ASCC3: variants seen among roughly 807,000 people sequenced by gnomAD.
ASCC3 encodes the protein activating signal cointegrator 1 complex subunit 3.
In ASCC3, 158 loss-of-function variants were observed where a neutral mutation model predicts 256.3. The ratio of observed to expected loss-of-function variants is 0.62; its 90% CI spans 0.54 to 0.70. The LOEUF (loss-of-function observed/expected upper bound fraction) is 0.70, where lower values mean the gene tolerates loss of function less well. ASCC3 is among the 30% of genes least tolerant of loss of function. The probability of loss-of-function intolerance (pLI) is 0.00; values close to 1 mark genes in which losing one functional copy is unlikely to be tolerated. For synonymous variants in ASCC3, 948 were observed against 883.4 expected, an observed-to-expected ratio of 1.07 and a Z score of -1.30; for missense variants, 2,259 against 2,626.0, an observed-to-expected ratio of 0.86 and a Z score of 3.05.
chr6:100,510,020 T>C lies in ASCC3; in HGVS notation c.6373A>G (p.Arg2125Gly). The change falls in exon 41 of 42, where the codon AGA becomes GGA. Residue 2125 changes from arginine (R) to glycine (G), a missense_variant. Transcript: ENST00000369162. ...WFLILGEVDK[R>G]ELIALKRVGY... ...ACTCTTTTCAAAGCAATAAGTTCTC[T>C]CTTATCCACTTCTCCTAATATCAAA... 1 of 1,614,108 alleles carries C rather than the reference T, an allele frequency of 6.2e-7. No homozygotes were observed. The highest frequency in any genetic ancestry group is 1.7e-5 in the Admixed American group (1 of 60,020).
At chr6:100,535,530 C>T (rs1420658204) in intron 37 of ASCC3, among the ~76,000 whole-genome samples, 2 of 137,934 alleles carry the variant, frequency 1.4e-5, no homozygotes, top group South Asian at 2.3e-4. Flanking sequence ...AGTGCAGCAG[C>T]GCGATCTTGG....
intron 8 of ASCC3, among the ~76,000 whole-genome samples, chr6:100,771,114 A>G (rs1781896517): frequency 6.6e-6 from 1 of 152,206 alleles, no homozygotes; most frequent in African/African-American, 2.4e-5. Context: ...TACAAAATCC[A>G]GAAATAAATC....
chr6:100,579,968 T>C (rs987652547), intron 36 of ASCC3, among the ~76,000 whole-genome samples: 8 of 152,110 alleles, frequency 5.3e-5, no homozygotes, highest in African/African-American at 1.2e-4. Context: ...ATACGAAAGG[T>C]TTTTCCATTT....
intron 4 of ASCC3, among the ~76,000 whole-genome samples, chr6:100,844,758 T>C (rs1367242428): frequency 1.3e-5 from 2 of 151,748 alleles, no homozygotes; most frequent in African/African-American, 4.8e-5. Flanking sequence ...AGGCTCAAGG[T>C]AGGGAGGGAA....
At chr6:100,823,176 C>T (rs1425124413) in intron 4 of ASCC3, among the ~76,000 whole-genome samples, 1 of 152,196 alleles carries the variant, frequency 6.6e-6, no homozygotes, top group Non-Finnish European at 1.5e-5. Context: ...CTTCCCATAA[C>T]ATTTGCCATT....
chr6:100,526,611 C>T (rs1008261995), intron 37 of ASCC3, among the ~76,000 whole-genome samples: 1 of 152,188 alleles, frequency 6.6e-6, no homozygotes, highest in African/African-American at 2.4e-5. Flanking sequence ...AATGCATCAA[C>T]TCTGTATCAC....
intron 4 of ASCC3, among the ~76,000 whole-genome samples, chr6:100,839,799 A>G (rs576230868): frequency 1.3e-5 from 2 of 152,294 alleles, no homozygotes; most frequent in South Asian, 4.1e-4. Flanking sequence ...CTCTTCGAGT[A>G]TTATGCTCAT....
intron 14 of ASCC3, 21 bp downstream of exon 14, chr6:100,679,597 C>G (rs746976649): frequency 1.9e-6 from 3 of 1,612,826 alleles, no homozygotes; most frequent in Non-Finnish European, 2.5e-6. Flanking sequence ...TGCTTTAGTT[C>G]TTGTCCTCTT....
chr6:100,779,351 C>T (rs1474348395), intron 8 of ASCC3, among the ~76,000 whole-genome samples: 1 of 152,054 alleles, frequency 6.6e-6, no homozygotes, highest in African/African-American at 2.4e-5. Context: ...CCTCAGCCTC[C>T]CAAGTTGCTG....
chr6:100,780,331 A>C (rs2114255722), intron 8 of ASCC3, among the ~76,000 whole-genome samples: 1 of 152,328 alleles, frequency 6.6e-6, no homozygotes, highest in Admixed American at 6.5e-5. Flanking sequence ...TAAATTGATA[A>C]ATAAACTGTC....
chr6:100,640,649 T>A (rs993501597), intron 24 of ASCC3, among the ~76,000 whole-genome samples: 8 of 152,200 alleles, frequency 5.3e-5, no homozygotes, highest in Non-Finnish European at 7.3e-5. Flanking sequence ...AAATATTACA[T>A]GTAGCACACT....
At chr6:100,763,774 T>C (rs999715857) in intron 10 of ASCC3, among the ~76,000 whole-genome samples, 1 of 152,202 alleles carries the variant, frequency 6.6e-6, no homozygotes, top group Admixed American at 6.5e-5. Flanking sequence ...AAATCTGTAC[T>C]AAATAAATGC....
At chr6:100,701,541 T>C (rs1333364534) in intron 13 of ASCC3, among the ~76,000 whole-genome samples, 1 of 152,164 alleles carries the variant, frequency 6.6e-6, no homozygotes, top group African/African-American at 2.4e-5. Flanking sequence ...ATACAGTGCC[T>C]AACGGTGCAT....
At chr6:100,818,687 C>T (rs946528840) in intron 4 of ASCC3, among the ~76,000 whole-genome samples, 3 of 143,310 alleles carry the variant, frequency 2.1e-5, no homozygotes, top group South Asian at 2.2e-4. Flanking sequence ...AATAAGTCTG[C>T]GCTCACCACT....
At chr6:100,808,148 T>G (rs947214165) in intron 4 of ASCC3, among the ~76,000 whole-genome samples, 1 of 151,964 alleles carries the variant, frequency 6.6e-6, no homozygotes, top group Non-Finnish European at 1.5e-5. Flanking sequence ...TTTCTGATGA[T>G]ACCAGTGATA....
At chr6:100,833,998 A>G (rs935997108) in intron 4 of ASCC3, among the ~76,000 whole-genome samples, 1 of 152,182 alleles carries the variant, frequency 6.6e-6, no homozygotes, top group Non-Finnish European at 1.5e-5. Flanking sequence ...CCCGGGAGGC[A>G]GAAGTTGCAG....
Position 100,571,529 on chromosome 6 carries a change from T to C in ASCC3, c.5550+18105A>G, listed in dbSNP as rs79554873. Among the ~76,000 whole-genome samples the C allele has an allele frequency of 1.8e-4, 27 of 152,362 alleles. No homozygotes were observed. The East Asian group carries it at 2.5e-3, about 14-fold the overall frequency. ...TGCTGTATCCTCCATGGCTGGAATA[T>C]AATAAGTGCTCAATAAATATTATTA... is the stretch of plus-strand genomic sequence containing the variant. On this transcript the variant is annotated intron_variant, in intron 36 of 41. Coordinates refer to ENST00000369162, the MANE Select transcript of ASCC3 (RefSeq NM_006828.4).
At chr6:100,620,192 C>A (rs999306906) in intron 30 of ASCC3, among the ~76,000 whole-genome samples, 2 of 152,130 alleles carry the variant, frequency 1.3e-5, no homozygotes, top group African/African-American at 4.8e-5. Context: ...TCAACTCTTT[C>A]TATCTTGACT....
intron 4 of ASCC3, among the ~76,000 whole-genome samples, chr6:100,833,510 A>C (rs1771722259): frequency 6.6e-6 from 1 of 152,202 alleles, no homozygotes; most frequent in African/African-American, 2.4e-5. Context: ...AATCATAACA[A>C]ATGTACTACC....
Sources: gnomAD v4.1 joint callset for allele counts (sites outside exome capture counted in the v4.1 genomes callset) on GRCh38, gnomAD v4.1.1 for gene constraint, MANE v1.5 for transcripts, NCBI Gene and HGNC (gene_info 2026-07-23, HGNC 2026-07-21) for gene names.